The following CHRNA1 variants were observed in gnomAD, a reference collection of about 807,000 sequenced individuals.
The protein encoded by CHRNA1 is acetylcholine receptor subunit alpha.
A neutral mutation model predicts 47.1 loss-of-function variants in CHRNA1; 35 were observed. The ratio of observed to expected loss-of-function variants is 0.74; its 90% CI spans 0.57 to 0.99. CHRNA1 has a LOEUF of 0.99. Among genes scored for constraint, CHRNA1 ranks in the 50% least tolerant of loss-of-function variants. CHRNA1 has a pLI of 0.00. For synonymous variants in CHRNA1, 229 were observed against 223.6 expected (o/e 1.02, Z -0.22); for missense variants, 506 against 591.1 (o/e 0.86, Z 1.49).
At chr2:174,762,464 A>G (rs1684118653) in intron 1 of CHRNA1, among the ~76,000 whole-genome samples, 1 of 152,250 alleles carries the variant, frequency 6.6e-6, no homozygotes, top group South Asian at 2.1e-4. Context: ...GGTAACATTA[A>G]TTTATTCATG....
chr2:174,747,927 C>A lies in CHRNA1; in HGVS notation c.*197G>T, dbSNP rs1683763085. The A allele has an allele frequency of 7.7e-6, 5 of 646,760 alleles. No homozygotes were observed. In the East Asian group the frequency reaches 1.5e-4, roughly 20 times the overall value. 40.1% of individuals were successfully genotyped at this position (646,760 alleles called of 1,614,324 possible). On this transcript the variant is annotated 3_prime_UTR_variant, in exon 9 of 9. Transcript: ENST00000348749. ...GAGGGTTCACTCTTCAGGGAGACAG[C>A]AGAACTAAAGGGAGAAGCAATATGA...
rs376515416 is a variant in CHRNA1, at chr2:174,748,606, T to C, written c.1216A>G (p.Met406Val). Residue 406 changes from methionine to valine, a missense_variant, in exon 8 of 9, where the codon ATG becomes GTG. Transcript: ENST00000348749. ...IEGIKYIAET[M>V]KSDQESNNAA... ...TTGTTAGACTCCTGGTCTGACTTCA[T>C]GGTCTCTGCGATGTACTTGATGCCC... 2.5e-6 allele frequency: 4 copies of C among 1,613,374 alleles called. No homozygotes were observed. Among genetic ancestry groups the C allele is most frequent in the Non-Finnish European group, 3.4e-6 (4 of 1,179,326 alleles).
At chr2:174,757,417 A>G (rs912426627) in intron 4 of CHRNA1, 149 bp downstream of exon 4, 12 of 679,306 alleles carry the variant, frequency 1.8e-5, no homozygotes, top group East Asian at 1.1e-4. Flanking sequence ...TGGCCTCCCA[A>G]AGTGCTGAGT....
At chr2:174,757,232 A>T (rs1230394107) in intron 4 of CHRNA1, among the ~76,000 whole-genome samples, 2 of 152,174 alleles carry the variant, frequency 1.3e-5, no homozygotes, top group East Asian at 1.9e-4. Context: ...GCCTGGATTC[A>T]ATTTGGCCGC....
intron 1 of CHRNA1, 26 bp from the exon 2 acceptor site, chr2:174,759,659 T>A: frequency 6.2e-7 from 1 of 1,610,638 alleles, no homozygotes; most frequent in East Asian, 2.2e-5. Flanking sequence ...ACACCAACAC[T>A]GTCAGATTCT....
intron 7 of CHRNA1, 88 bp from the exon 8 acceptor site, chr2:174,748,907 G>T: frequency 6.4e-7 from 1 of 1,554,924 alleles, no homozygotes; most frequent in South Asian, 1.2e-5. Flanking sequence ...TGTGATTTGG[G>T]GTAAGTCATT....
At chr2:174,751,305 G>A (rs1272181491) in intron 6 of CHRNA1, among the ~76,000 whole-genome samples, 1 of 150,884 alleles carries the variant, frequency 6.6e-6, no homozygotes, top group African/African-American at 2.4e-5. Context: ...ACCACCTTAG[G>A]TGCAGCAGAG....
chr2:174,756,091 A>G (rs1321869099), intron 4 of CHRNA1, among the ~76,000 whole-genome samples: 2 of 152,162 alleles, frequency 1.3e-5, no homozygotes, highest in Non-Finnish European at 2.9e-5. Flanking sequence ...TAGAGAGGCT[A>G]AAAAATAGAT....
intron 4 of CHRNA1, 54 bp from the exon 5 acceptor site, chr2:174,754,468 T>C: frequency 6.6e-7 from 1 of 1,517,474 alleles, no homozygotes; most frequent in Middle Eastern, 2.0e-4. Context: ...GAGCCTTCCA[T>C]TCTGCTTGGG....
At chr2:174,753,248 A>G in intron 6 of CHRNA1, 1 of 630,522 alleles carries the variant, frequency 1.6e-6, no homozygotes, top group Non-Finnish European at 2.9e-6. Flanking sequence ...ATGTACTTTA[A>G]CCAGCCTAAG....
chr2:174,759,425 G>C, intron 2 of CHRNA1, 50 bp from the exon 3 acceptor site: 1 of 1,613,890 alleles, frequency 6.2e-7, no homozygotes, highest in Non-Finnish European at 8.5e-7. Context: ...GGGGACCCAG[G>C]GGAGGAAACC....
At position 174,764,388 on chromosome 2, in the gene CHRNA1, G is replaced by C. The variant is rs1286101751; in HGVS notation, c.7C>G (p.Pro3Ala). ME[P>A]WPLLLLFSLC... is the part of the protein sequence containing the mutation. ...CTAAAGAGCAGGAGGAGAGGCCAGG[G>C]CTCCATGGGCTACCGGAGCTTGTGT... The change falls in exon 1 of 9, where the codon CCC (proline) becomes GCC (alanine). Residue 3 changes from proline to alanine, a missense_variant. By Grantham distance (27) the Pro-to-Ala change is conservative (BLOSUM62 -1). Transcript: ENST00000348749. 1 of 1,613,124 alleles carries C rather than the reference G, an allele frequency of 6.2e-7. No homozygotes were observed.
Position 174,748,027 on chromosome 2 carries a change from G to T in CHRNA1, c.*97C>A. Reference sequence around the variant, plus strand: ...AATAAGTATGGAATATAACACGTTTGATAAGTGCGAGTGGAGCAAGTAGAC... The same window carrying T: ...AATAAGTATGGAATATAACACGTTTTATAAGTGCGAGTGGAGCAAGTAGAC... On this transcript the variant is annotated 3_prime_UTR_variant, in exon 9 of 9. Coordinates refer to ENST00000348749, the MANE Select transcript of CHRNA1 (RefSeq NM_000079.4). 2 of 1,460,748 alleles carry T rather than the reference G, an allele frequency of 1.4e-6. No individual in the cohort carries two copies. Among genetic ancestry groups the T allele is most frequent in the South Asian group, 1.2e-5 (1 of 86,150 alleles). 90.5% of individuals were successfully genotyped at this position (1,460,748 alleles called of 1,614,324 possible). A position where few individuals can be genotyped will look rare whatever the true frequency, so the allele number is the denominator to read the frequency against.
At position 174,759,501 on chromosome 2, in the gene CHRNA1, T is replaced by G; in HGVS notation, c.176A>C (p.Gln59Pro). ...CTCTTGTCTCACCACATTGATGAGC[T>G]GTATCAGCTGCAGGCCCACGGTGAC... ...VEVTVGLQLI[Q>P]LINVDEVNQI... Residue 59 changes from glutamine (Q) to proline (P), a missense_variant, in exon 2 of 9, where the codon CAG (glutamine) becomes CCG (proline). By Grantham distance (76) the Gln-to-Pro change is moderately conservative (BLOSUM62 -1). Transcript: ENST00000348749. 2.5e-6 allele frequency: 4 copies of G among 1,614,144 alleles called. No homozygotes were observed. Among genetic ancestry groups the G allele is most frequent in the Non-Finnish European group, 3.4e-6 (4 of 1,180,018 alleles).
Position 174,759,642 on chromosome 2 carries a change from G to T in CHRNA1, c.44-9C>A, listed in dbSNP as rs2105352249. On this transcript the variant is annotated splice_polypyrimidine_tract_variant and intron_variant, in intron 1 of 8. Transcript: ENST00000348749. ...GCCCAGGACGAGGCCAGCTGAGACA[G>T]CAGATGACACCAACACTGTCAGATT... 6.2e-7 allele frequency: 1 copy of T among 1,612,464 alleles called. No homozygotes were observed.
intron 7 of CHRNA1, 31 bp downstream of exon 7, chr2:174,749,915 G>A (rs760405543): frequency 1.5e-4 from 236 of 1,582,456 alleles, no homozygotes; most frequent in Non-Finnish European, 1.9e-4. Context: ...ATGTGCCTCC[G>A]TGTGAAGTCT....
At chr2:174,751,627 T>A (rs957715440) in intron 6 of CHRNA1, among the ~76,000 whole-genome samples, 1 of 152,054 alleles carries the variant, frequency 6.6e-6, no homozygotes, top group Non-Finnish European at 1.5e-5. Context: ...TTATCAAGCA[T>A]AATTTTTGTG....
rs577550646 is a variant in CHRNA1 at position 174,749,887 on chromosome 2, C to T, written c.1002+59G>A. 35 of 1,458,066 alleles carry T rather than the reference C, an allele frequency of 2.4e-5. No individual in the cohort carries two copies. In the South Asian group the frequency reaches 2.8e-4, roughly 12 times the overall value. 90.3% of individuals were successfully genotyped at this position (1,458,066 alleles called of 1,614,324 possible). ...ATTAGCTAGAAACCCACTGGCTCCT[C>T]GAAGGGGAGGCCTGTAGATGTGCCT... is the stretch of plus-strand genomic sequence containing the variant. On this transcript the variant is annotated intron_variant, in intron 7 of 8. Transcript: ENST00000348749.
intron 6 of CHRNA1, 105 bp downstream of exon 6, chr2:174,753,398 G>T: frequency 8.9e-7 from 1 of 1,125,028 alleles, no homozygotes; most frequent in South Asian, 1.2e-5. Flanking sequence ...TGATGGTTCG[G>T]GTCGATCTGC....
Sources: gnomAD v4.1 joint callset for allele counts (sites outside exome capture counted in the v4.1 genomes callset) on GRCh38, gnomAD v4.1.1 for gene constraint, MANE v1.5 for transcripts, NCBI Gene and HGNC (gene_info 2026-07-23, HGNC 2026-07-21) for gene names.